Variants in ZKSCAN3 observed in about 807,000 individuals in gnomAD.
ZKSCAN3 encodes the protein zinc finger with KRAB and SCAN domains 3.
Under a neutral mutation model 30.7 loss-of-function variants are expected in ZKSCAN3, and 21 were observed. The ratio of observed to expected loss-of-function variants is 0.68; its 90% CI spans 0.49 to 0.99. The LOEUF is 0.99. Ranked by LOEUF, ZKSCAN3 falls within the 50% of genes least tolerant of loss-of-function variation. The pLI, the probability that ZKSCAN3 is intolerant of heterozygous loss-of-function variation, is 0.00. For synonymous variants in ZKSCAN3, 201 were observed against 246.7 expected (o/e 0.81, Z 1.73); for missense variants, 507 against 647.1 (o/e 0.78, Z 2.35).
chr6:28,365,377 C>T, intron 5 of ZKSCAN3, 49 bp from the exon 6 acceptor site: 1 of 1,564,924 alleles, frequency 6.4e-7, no homozygotes, highest in Non-Finnish European at 8.6e-7. Flanking sequence ...CATCACAGAG[C>T]TTTCCTTCCA....
At chr6:28,362,127 T>C (rs1408832526) in intron 3 of ZKSCAN3, among the ~76,000 whole-genome samples, 2 of 152,206 alleles carry the variant, frequency 1.3e-5, no homozygotes, top group African/African-American at 4.8e-5. Flanking sequence ...TTTGTTCTTC[T>C]TTAACTTGTA....
In ZKSCAN3 at chr6:28,359,800, C is replaced by A. The variant is rs770547963; in HGVS notation, c.214C>A (p.Arg72=). 1 of 1,614,188 alleles carries A rather than the reference C, an allele frequency of 6.2e-7. No individual in the cohort carries two copies. Among genetic ancestry groups the A allele is most frequent in the South Asian group, 1.1e-5 (1 of 91,080 alleles). The stretch of plus-strand genomic sequence containing the variant: ...GCTGAGTCGGCTCCGAGAGCTCTGC[C>A]GACAGTGGCTGCAGCCTGAGATGCA... The part of the protein sequence containing the change: ...EALSRLRELC[R]QWLQPEMHSK... Residue 72 remains arginine, a synonymous_variant, in exon 2 of 6, where the codon CGA becomes AGA. Coordinates refer to ENST00000252211, the MANE Select transcript of ZKSCAN3 (RefSeq NM_024493.4).
Position 28,365,727 on chromosome 6 carries a change from G to T in ZKSCAN3, c.1059G>T (p.Gly353=), listed in dbSNP as rs764330330. 1.1e-5 allele frequency: 18 copies of T among 1,613,432 alleles called. 1 individual carries two copies. In the South Asian group the frequency reaches 2.0e-4, roughly 18 times the overall value. Residue 353 remains glycine, a synonymous_variant, in exon 6 of 6, where the codon GGG becomes GGT. Coordinates refer to ENST00000252211, the MANE Select transcript of ZKSCAN3 (RefSeq NM_024493.4). ...AAGAGTGTGGCAAAGCCTTCATTGGGAGCTCTGCCCTTGTCATTCATCAGA... is the reference window on the plus strand; with the variant it reads ...AAGAGTGTGGCAAAGCCTTCATTGGTAGCTCTGCCCTTGTCATTCATCAGA... ...ECEECGKAFI[G]SSALVIHQRV... is the part of the protein sequence containing the mutation.
rs1201269498 is a variant in ZKSCAN3, at chr6:28,359,516, A to G, written c.-62-9A>G. ...GTTTACTGGTTAATAATGATTTCCCACCTTTCAGGGATCTTCTGCAGAAAT... is the reference window on the plus strand; with the variant it reads ...GTTTACTGGTTAATAATGATTTCCCGCCTTTCAGGGATCTTCTGCAGAAAT... On this transcript the variant is annotated splice_polypyrimidine_tract_variant and intron_variant, in intron 1 of 5. Coordinates refer to ENST00000252211, the MANE Select transcript of ZKSCAN3 (RefSeq NM_024493.4). 4.5e-6 allele frequency: 7 copies of G among 1,550,184 alleles called. No homozygotes were observed. The Admixed American group carries it at 9.9e-5, about 22-fold the overall frequency.
intron 1 of ZKSCAN3, among the ~76,000 whole-genome samples, chr6:28,358,719 A>T (rs544301029): frequency 1.3e-5 from 2 of 151,946 alleles, no homozygotes; most frequent in Non-Finnish European, 2.9e-5. Context: ...CCCCAGCTCT[A>T]CTAAAAATAC....
intron 2 of ZKSCAN3, 59 bp downstream of exon 2, chr6:28,360,047 A>G: frequency 6.2e-7 from 1 of 1,613,870 alleles, no homozygotes; most frequent in Non-Finnish European, 8.5e-7. Context: ...GAAATCCCAG[A>G]TCAGAGTGAG....
chr6:28,353,301 A>G (rs1219021237), intron 1 of ZKSCAN3: 2 of 153,898 alleles, frequency 1.3e-5, no homozygotes, highest in Non-Finnish European at 2.9e-5. Flanking sequence ...CATTCCACTG[A>G]GTAAAGAGGG....
intron 2 of ZKSCAN3, among the ~76,000 whole-genome samples, chr6:28,360,905 C>T (rs925585454): frequency 3.9e-5 from 6 of 152,134 alleles, no homozygotes; most frequent in African/African-American, 1.2e-4. Flanking sequence ...GGTGATTTCA[C>T]GTACTGTGAT....
In ZKSCAN3 at chr6:28,365,419, G is replaced by T. The variant is rs371556491; in HGVS notation, c.758-7G>T. ...AAGCCACAGTTGCCAGTTATTTGTT[G>T]TTTCAGGTGATGAAAAACAGACTAA... On this transcript the variant is annotated splice_polypyrimidine_tract_variant and splice_region_variant and intron_variant, in intron 5 of 5. Transcript: ENST00000252211. 447 of 1,598,372 alleles carry T rather than the reference G, an allele frequency of 2.8e-4. No individual in the cohort carries two copies. Among genetic ancestry groups the T allele is most frequent in the Non-Finnish European group, 3.7e-4 (432 of 1,173,104 alleles).
At chr6:28,356,954 G>C (rs937396181) in intron 1 of ZKSCAN3, among the ~76,000 whole-genome samples, 2 of 152,214 alleles carry the variant, frequency 1.3e-5, no homozygotes, top group Admixed American at 6.5e-5. Context: ...CCCCAGCTGA[G>C]GTCCAAGGGG....
chr6:28,351,025 G>T lies in ZKSCAN3; in HGVS notation c.-63+958G>T, dbSNP rs1475607263. 1.3e-5 allele frequency among the ~76,000 whole-genome samples: 2 copies of T among 152,164 alleles called. No homozygotes were observed. The highest frequency in any genetic ancestry group is 2.1e-4 in the South Asian group (1 of 4,832). ...TTTTCGAGCTTCCAGGAACGCCCTA[G>T]CCTGAAACTGGCTTCATACTAACAC... On this transcript the variant is annotated intron_variant, in intron 1 of 5. Coordinates refer to ENST00000252211, the MANE Select transcript of ZKSCAN3 (RefSeq NM_024493.4). The surrounding 1 kb of genome is among the most constrained non-coding windows in gnomAD (Gnocchi z 4.6).
intron 1 of ZKSCAN3, among the ~76,000 whole-genome samples, chr6:28,352,572 G>A (rs1765110241): frequency 6.6e-6 from 1 of 152,086 alleles, no homozygotes; most frequent in African/African-American, 2.4e-5. Flanking sequence ...TTGTACCCAA[G>A]GCATTAGGAT....
intron 1 of ZKSCAN3, chr6:28,354,095 T>C (rs1765256700): frequency 2.6e-6 from 1 of 379,240 alleles, no homozygotes; most frequent in African/African-American, 2.1e-5. Flanking sequence ...CACTTACAGC[T>C]GTACTCCTTG....
rs764043063 is a variant in ZKSCAN3, at chr6:28,360,151, A to C, written c.402+163A>C. 2.1e-5 allele frequency: 27 copies of C among 1,301,716 alleles called. No individual in the cohort carries two copies. In the South Asian group the frequency reaches 3.6e-4, roughly 17 times the overall value. 80.6% of individuals were successfully genotyped at this position (1,301,716 alleles called of 1,614,324 possible). ...TGAAGTCCCTGGACTCCTTCTCAGA[A>C]TAATTTTTTTTTTAAAATACATAAA... On this transcript the variant is annotated intron_variant, in intron 2 of 5. Coordinates refer to ENST00000252211, the MANE Select transcript of ZKSCAN3 (RefSeq NM_024493.4).
At chr6:28,357,155 G>A (rs1483204499) in intron 1 of ZKSCAN3, among the ~76,000 whole-genome samples, 3 of 152,220 alleles carry the variant, frequency 2.0e-5, no homozygotes, top group African/African-American at 7.2e-5. Context: ...TATAATGCAC[G>A]GAATTGTGTG....
Position 28,361,209 on chromosome 6 carries a change from T to A in ZKSCAN3, c.403-115T>A. 3 of 1,166,732 alleles carry A rather than the reference T, an allele frequency of 2.6e-6. No homozygotes were observed. In the South Asian group the frequency reaches 4.5e-5, roughly 17 times the overall value. The allele number at this position is 1,166,732 out of a possible 1,614,324, so 72.3% of individuals were successfully genotyped here. On this transcript the variant is annotated intron_variant, in intron 2 of 5. Coordinates refer to ENST00000252211, the MANE Select transcript of ZKSCAN3 (RefSeq NM_024493.4). The stretch of plus-strand genomic sequence containing the variant: ...AATACCTCCCTTATAAGATTGTTGT[T>A]TTCTGCGTTAAATGAGTTAACATTT...
intron 1 of ZKSCAN3, among the ~76,000 whole-genome samples, chr6:28,357,443 G>A (rs886837588): frequency 1.3e-5 from 2 of 152,242 alleles, no homozygotes; most frequent in African/African-American, 2.4e-5. Flanking sequence ...GATGGGAGCT[G>A]AGAAGAACCA....
In ZKSCAN3 at chr6:28,359,619, G is replaced by A; in HGVS notation, c.33G>A (p.Leu11=). The A allele has an allele frequency of 6.2e-7, 1 of 1,614,230 alleles. No individual in the cohort carries two copies. The highest frequency in any genetic ancestry group is 8.5e-7 in the Non-Finnish European group (1 of 1,180,042). The stretch of plus-strand genomic sequence containing the variant: ...GAGAATTAAGTGAAAGCACAGCCCT[G>A]GATGCCCAGTCTACAGAAGACCAGA... MARELSESTA[L]DAQSTEDQME... The change falls in exon 2 of 6, where the codon CTG becomes CTA. Residue 11 remains leucine (L), a synonymous_variant. Coordinates refer to ENST00000252211, the MANE Select transcript of ZKSCAN3 (RefSeq NM_024493.4).
At chr6:28,365,101 TCTTAGAA>T (rs573890265) in intron 5 of ZKSCAN3, among the ~76,000 whole-genome samples, 33 of 151,798 alleles carry the variant, frequency 2.2e-4, no homozygotes, top group Non-Finnish European at 3.8e-4. Flanking sequence ...GCCTTACAAT[TCTTAGAA>T]CTTAGAACGA....
Sources: gnomAD v4.1 joint callset for allele counts (sites outside exome capture counted in the v4.1 genomes callset) on GRCh38, gnomAD v4.1.1 for gene constraint, Gnocchi (gnomAD v3.1) non-coding constraint, MANE v1.5 for transcripts, NCBI Gene and HGNC (gene_info 2026-07-23, HGNC 2026-07-21) for gene names.